Variants in PCDHAC1 observed in about 807,000 individuals in gnomAD.
The protein encoded by PCDHAC1 is protocadherin alpha-C1.
In PCDHAC1, 42 loss-of-function variants were observed where a neutral mutation model predicts 60.0. That is an observed-to-expected ratio of 0.70 (90% CI 0.55 to 0.90). PCDHAC1 has a LOEUF of 0.90. PCDHAC1 is among the 40% of genes least tolerant of loss of function. The pLI is 0.00. For synonymous variants in PCDHAC1, 468 were observed against 499.3 expected, an observed-to-expected ratio of 0.94 and a Z score of 0.84; for missense variants, 1,160 against 1,222.3, an observed-to-expected ratio of 0.95 and a Z score of 0.76.
chr5:140,943,830 G>C (rs1245752469), intron 1 of PCDHAC1, among the ~76,000 whole-genome samples: 1 of 152,198 alleles, frequency 6.6e-6, no homozygotes, highest in Non-Finnish European at 1.5e-5. Context: ...TGAGTTGATT[G>C]AAGTTGTAAG....
intron 1 of PCDHAC1, chr5:140,967,680 G>C (rs1554229771): frequency 6.2e-7 from 1 of 1,614,228 alleles, no homozygotes; most frequent in South Asian, 1.1e-5. Context: ...GACCGGGAGA[G>C]GCAGCTCTTC....
chr5:140,988,206 G>GA (rs200168674), intron 3 of PCDHAC1, among the ~76,000 whole-genome samples: 41 of 150,634 alleles, frequency 2.7e-4, no homozygotes, highest in Admixed American at 4.6e-4. Flanking sequence ...TCCTTATTAG[G>GA]AAAAAAAAAT....
intron 1 of PCDHAC1, among the ~76,000 whole-genome samples, chr5:140,944,938 A>G (rs2153667882): frequency 6.6e-6 from 1 of 152,262 alleles, no homozygotes; most frequent in African/African-American, 2.4e-5. Context: ...CCTTCTTTAG[A>G]TGATTGTGAA....
chr5:140,984,692 C>T (rs1252057323), intron 3 of PCDHAC1, among the ~76,000 whole-genome samples: 2 of 152,130 alleles, frequency 1.3e-5, no homozygotes, highest in Non-Finnish European at 2.9e-5. Context: ...ATATGTTCTG[C>T]ACTGCTTGGA....
intron 3 of PCDHAC1, among the ~76,000 whole-genome samples, chr5:140,994,117 G>C (rs889813029): frequency 6.6e-6 from 1 of 152,198 alleles, no homozygotes; most frequent in Non-Finnish European, 1.5e-5. Flanking sequence ...ATTGTCATGT[G>C]ATAAGGGCGA....
At chr5:141,008,108 T>C (rs2098361480) in intron 3 of PCDHAC1, among the ~76,000 whole-genome samples, 1 of 152,138 alleles carries the variant, frequency 6.6e-6, no homozygotes, top group Non-Finnish European at 1.5e-5. Flanking sequence ...CTCATGAGAA[T>C]AAGTGTTTCA....
At chr5:140,974,426 G>T (rs1417085676) in intron 1 of PCDHAC1, among the ~76,000 whole-genome samples, 1 of 152,152 alleles carries the variant, frequency 6.6e-6, no homozygotes, top group Non-Finnish European at 1.5e-5. Flanking sequence ...TTACTTTCCT[G>T]GTTTGTAAAT....
intron 3 of PCDHAC1, among the ~76,000 whole-genome samples, chr5:140,985,773 T>C (rs945442566): frequency 7.2e-6 from 1 of 138,872 alleles, no homozygotes; most frequent in South Asian, 2.4e-4. Context: ...ACAGTCTCGC[T>C]CTGTCGCCCA....
intron 3 of PCDHAC1, among the ~76,000 whole-genome samples, chr5:141,007,067 G>A (rs1352139121): frequency 1.3e-5 from 2 of 152,164 alleles, no homozygotes; most frequent in African/African-American, 4.8e-5. Flanking sequence ...AAAGGAGAGA[G>A]TGAAGAGAAA....
At chr5:140,967,390 G>C (rs2096135950) in intron 1 of PCDHAC1, 1 of 1,609,870 alleles carries the variant, frequency 6.2e-7, no homozygotes, top group African/African-American at 1.3e-5. Context: ...AAGTGCTTGA[G>C]CTGGTGCTGC....
chr5:140,986,826 A>G (rs902801115), intron 3 of PCDHAC1, among the ~76,000 whole-genome samples: 1 of 152,178 alleles, frequency 6.6e-6, no homozygotes, highest in Non-Finnish European at 1.5e-5. Flanking sequence ...GGTTTAGACA[A>G]TGGTTCTCAA....
intron 3 of PCDHAC1, among the ~76,000 whole-genome samples, chr5:140,992,716 G>A (rs1554253146): frequency 6.6e-6 from 1 of 152,160 alleles, no homozygotes; most frequent in African/African-American, 2.4e-5. Flanking sequence ...GCCAGTATTC[G>A]TAAATCCCAC....
intron 1 of PCDHAC1, chr5:140,967,025 C>A: frequency 1.2e-6 from 2 of 1,608,362 alleles, no homozygotes; most frequent in Non-Finnish European, 8.5e-7. Flanking sequence ...TGCGCCCAGT[C>A]CGCGCTACCT....
At position 141,010,210 on chromosome 5, in the gene PCDHAC1, G is replaced by A. The variant is rs2098416466; in HGVS notation, c.*273G>A. ...AGTTTCCTTTCTCCTCCGCCGCAAA[G>A]GAGAGGCTTCCCAGCCCCGCCAGTG... On this transcript the variant is annotated 3_prime_UTR_variant, in exon 4 of 4. Transcript: ENST00000253807. 4 of 1,551,736 alleles carry A rather than the reference G, an allele frequency of 2.6e-6. No homozygotes were observed. Among genetic ancestry groups the A allele is most frequent in the African/African-American group, 1.4e-5 (1 of 73,050 alleles).
chr5:140,938,092 A>G (rs1255638035), intron 1 of PCDHAC1, among the ~76,000 whole-genome samples: 4 of 152,034 alleles, frequency 2.6e-5, no homozygotes, highest in African/African-American at 9.7e-5. Context: ...TAGTTTTATT[A>G]TTGTATTTTT....
intron 1 of PCDHAC1, chr5:140,969,086 G>A: frequency 6.2e-7 from 1 of 1,614,190 alleles, no homozygotes; most frequent in Non-Finnish European, 8.5e-7. Context: ...TGGCCTCAAA[G>A]TGCAGCCTCA....
chr5:140,957,327 A>G (rs1554222920), intron 1 of PCDHAC1, among the ~76,000 whole-genome samples: 1 of 152,182 alleles, frequency 6.6e-6, no homozygotes, highest in East Asian at 1.9e-4. Context: ...AGCACAGTAC[A>G]GTAAGATATT....
chr5:140,983,807 G>T (rs1158459034), intron 3 of PCDHAC1, among the ~76,000 whole-genome samples: 1 of 152,100 alleles, frequency 6.6e-6, no homozygotes, highest in African/African-American at 2.4e-5. Context: ...TGTGTAAAAG[G>T]TTTTTTCCCA....
At chr5:140,935,234 T>C (rs1160112983) in intron 1 of PCDHAC1, among the ~76,000 whole-genome samples, 8 of 152,190 alleles carry the variant, frequency 5.3e-5, no homozygotes, top group Non-Finnish European at 1.2e-4. Context: ...GGATGTCTAT[T>C]TTTTAAAAGA....
Sources: allele counts gnomAD v4.1 joint callset (sites outside exome capture counted in the v4.1 genomes callset), GRCh38; gene constraint gnomAD v4.1.1; transcripts MANE v1.5; gene names NCBI Gene and HGNC (gene_info 2026-07-23, HGNC 2026-07-21).